NDFIP1: variants seen among roughly 807,000 people sequenced by gnomAD.
NDFIP1 encodes Nedd4 family interacting protein 1, also known as NEDD4 family-interacting protein 1.
In NDFIP1, 7 loss-of-function variants were observed where a neutral mutation model predicts 28.8. That is an observed-to-expected ratio of 0.24 (90% CI 0.14 to 0.46). The LOEUF (loss-of-function observed/expected upper bound fraction) is 0.46. Ranked by LOEUF, NDFIP1 falls within the 20% of genes least tolerant of loss-of-function variation. The pLI is 0.99. For synonymous variants in NDFIP1, 92 were observed against 101.0 expected (o/e 0.91, Z 0.53); for missense variants, 194 against 269.1 (o/e 0.72, Z 1.95).
At chr5:142,136,619 G>A (rs1370359561) in intron 4 of NDFIP1, among the ~76,000 whole-genome samples, 3 of 151,970 alleles carry the variant, frequency 2.0e-5, no homozygotes, top group Non-Finnish European at 2.9e-5. Context: ...GCTGGGTGTG[G>A]TGGCAGGCAC....
chr5:142,140,465 A>AAT, intron 5 of NDFIP1, 98 bp from the exon 6 acceptor site: 2 of 965,302 alleles, frequency 2.1e-6, no homozygotes, highest in African/African-American at 1.7e-5. Flanking sequence ...AAAAAAAAAA[A>AAT]GAATAAGTCT....
At chr5:142,132,191 G>C (rs767194926) in intron 2 of NDFIP1, 21 bp from the exon 3 acceptor site, 1 of 1,603,602 alleles carries the variant, frequency 6.2e-7, no homozygotes. Flanking sequence ...TCAAAAAATT[G>C]TGACTGTTAA....
intron 1 of NDFIP1, among the ~76,000 whole-genome samples, chr5:142,120,612 T>C (rs906092473): frequency 9.8e-5 from 15 of 152,350 alleles, no homozygotes; most frequent in African/African-American, 2.9e-4. Context: ...TGTCTAATCT[T>C]TAATTGGACA....
At chr5:142,141,389 G>C (rs1030675284) in intron 6 of NDFIP1, among the ~76,000 whole-genome samples, 4 of 151,708 alleles carry the variant, frequency 2.6e-5, no homozygotes, top group Admixed American at 2.6e-4. Flanking sequence ...TGTTGGCCAG[G>C]ATGGTCTCGA....
intron 1 of NDFIP1, among the ~76,000 whole-genome samples, chr5:142,119,442 A>G (rs1189809140): frequency 1.3e-5 from 2 of 152,166 alleles, no homozygotes; most frequent in Non-Finnish European, 1.5e-5. Flanking sequence ...CTTTTCCTCC[A>G]CCCACTTGAG....
chr5:142,122,631 G>C (rs1027678492), intron 1 of NDFIP1, among the ~76,000 whole-genome samples: 1 of 152,050 alleles, frequency 6.6e-6, no homozygotes, highest in East Asian at 1.9e-4. Flanking sequence ...GAGAATTCTG[G>C]TTATTATATA....
chr5:142,119,550 C>G (rs989279831), intron 1 of NDFIP1, among the ~76,000 whole-genome samples: 10 of 152,204 alleles, frequency 6.6e-5, no homozygotes, highest in Middle Eastern at 3.4e-3. Context: ...ATTTGCATAC[C>G]TTGAGATTCT....
In NDFIP1 at chr5:142,153,261, A is replaced by AT. The variant is rs11437340; in HGVS notation, c.*1540dup. 0.12 allele frequency: 54,646 copies of AT among 455,870 alleles called. 4,254 individuals are homozygous for AT. The highest frequency in any genetic ancestry group is 0.29 in the African/African-American group (14,438 of 49,978). 28.2% of individuals were successfully genotyped at this position (455,870 alleles called of 1,614,324 possible). ...TTGTTTTTATGATATCAGCCATTTG[A>AT]TTTTTTTCATTTTCTATTTAAGAAA... On this transcript the variant is annotated 3_prime_UTR_variant, in exon 8 of 8. Transcript: ENST00000253814.
chr5:142,127,730 C>T (rs571426523), intron 1 of NDFIP1, among the ~76,000 whole-genome samples: 107 of 152,106 alleles, frequency 7.0e-4, no homozygotes, highest in African/African-American at 2.4e-3. Flanking sequence ...CTGAGGCAGG[C>T]GGATCACTTG....
In NDFIP1 at chr5:142,131,796, A is replaced by T; in HGVS notation, c.64-12A>T. 6.4e-7 allele frequency: 1 copy of T among 1,556,608 alleles called. No homozygotes were observed. The highest frequency in any genetic ancestry group is 8.6e-7 in the Non-Finnish European group (1 of 1,158,144). Reference sequence around the variant, plus strand: ...CTTTATGCTTACATTAAAATATGAAATTTTTATTTAGTTGCAGAATGAAGA... The same window carrying T: ...CTTTATGCTTACATTAAAATATGAATTTTTTATTTAGTTGCAGAATGAAGA... On this transcript the variant is annotated splice_polypyrimidine_tract_variant and intron_variant, in intron 1 of 7. Transcript: ENST00000253814.
intron 1 of NDFIP1, among the ~76,000 whole-genome samples, chr5:142,122,593 G>T (rs1168852121): frequency 6.6e-6 from 1 of 152,068 alleles, no homozygotes; most frequent in Non-Finnish European, 1.5e-5. Flanking sequence ...AGTTGTACAG[G>T]TTTATACTCC....
At chr5:142,141,168 CTTTTTTTTT>C (rs1161113130) in intron 6 of NDFIP1, among the ~76,000 whole-genome samples, 5 of 59,956 alleles carry the variant, frequency 8.3e-5, no homozygotes, top group East Asian at 1.1e-3. Flanking sequence ...GGCAAGAGGA[CTTTTTTTTT>C]TTTTTTTTTT....
Position 142,108,986 on chromosome 5 carries a change from G to T in NDFIP1, c.12G>T (p.Ala4=), listed in dbSNP as rs778333770. 12 of 1,447,144 alleles carry T rather than the reference G, an allele frequency of 8.3e-6. No homozygotes were observed. The South Asian group carries it at 1.6e-4, about 19-fold the overall frequency. 89.6% of individuals were successfully genotyped at this position (1,447,144 alleles called of 1,614,324 possible). ...CTGCCGGCTGCGCCATGGCGTTGGCGTTGGCGGCGCTGGCGGCGGTCGAGC... is the reference window on the plus strand; with the variant it reads ...CTGCCGGCTGCGCCATGGCGTTGGCTTTGGCGGCGCTGGCGGCGGTCGAGC... MAL[A]LAALAAVEPA... is the part of the protein sequence containing the mutation. Residue 4 remains alanine (A), a synonymous_variant, in exon 1 of 8, where the codon GCG becomes GCT. Coordinates refer to ENST00000253814, the MANE Select transcript of NDFIP1 (RefSeq NM_030571.4).
chr5:142,131,729 G>A, intron 1 of NDFIP1, 79 bp from the exon 2 acceptor site: 1 of 1,074,206 alleles, frequency 9.3e-7, no homozygotes, highest in Non-Finnish European at 1.3e-6. Flanking sequence ...TTTCGAGAAA[G>A]GCTATTTATT....
At position 142,153,626 on chromosome 5, in the gene NDFIP1, C is replaced by T. The variant is rs1157328785; in HGVS notation, c.*1898C>T. 18 of 300,228 alleles carry T rather than the reference C, an allele frequency of 6.0e-5. No homozygotes were observed. The highest frequency in any genetic ancestry group is 5.6e-4 in the Admixed American group (13 of 23,282). The allele number at this position is 300,228 out of a possible 1,614,324, so 18.6% of individuals were successfully genotyped here. ...TTTGAAGATTTTTTTTTTTCCATTT[C>T]GAATCAGATTATAGCAACAATGGAG... is the stretch of plus-strand genomic sequence containing the variant. On this transcript the variant is annotated 3_prime_UTR_variant, in exon 8 of 8. Coordinates refer to ENST00000253814, the MANE Select transcript of NDFIP1 (RefSeq NM_030571.4).
chr5:142,144,383 A>T (rs991464253), intron 6 of NDFIP1, 188 bp from the exon 7 acceptor site: 2 of 544,788 alleles, frequency 3.7e-6, no homozygotes, highest in Non-Finnish European at 6.7e-6. Context: ...CTCTTACATT[A>T]TACCTTCTCA....
At chr5:142,117,400 C>T (rs759339305) in intron 1 of NDFIP1, among the ~76,000 whole-genome samples, 6 of 151,858 alleles carry the variant, frequency 4.0e-5, no homozygotes, top group East Asian at 1.9e-4. Context: ...CCCGCTATCA[C>T]GCCCAGCTAA....
chr5:142,128,057 A>C (rs1050694967), intron 1 of NDFIP1, among the ~76,000 whole-genome samples: 1 of 152,168 alleles, frequency 6.6e-6, no homozygotes, highest in African/African-American at 2.4e-5. Context: ...TATCACAGTC[A>C]CTCAAAGGAT....
intron 1 of NDFIP1, among the ~76,000 whole-genome samples, chr5:142,129,305 G>C (rs1391440343): frequency 6.6e-6 from 1 of 152,150 alleles, no homozygotes; most frequent in Non-Finnish European, 1.5e-5. Context: ...CAGTATTTTA[G>C]GTGAACCATG....
Sources: gnomAD v4.1 joint callset for allele counts (sites outside exome capture counted in the v4.1 genomes callset) on GRCh38, gnomAD v4.1.1 for gene constraint, MANE v1.5 for transcripts, NCBI Gene and HGNC (gene_info 2026-07-23, HGNC 2026-07-21) for gene names.